The following SMARCC2 variants were observed in gnomAD, a reference collection of about 807,000 sequenced individuals.
SMARCC2 encodes the protein SWI/SNF complex subunit SMARCC2.
SMARCC2 carries 15 observed loss-of-function variants against 151.3 expected under a neutral mutation model. That is an observed-to-expected ratio of 0.10 (90% CI 0.07 to 0.15). The LOEUF is 0.15. SMARCC2 is among the 10% of genes least tolerant of loss of function. SMARCC2 has a pLI of 1.00. For missense variants in SMARCC2, 1,031 were observed against 1,599.7 expected (o/e 0.64, Z 6.06); for synonymous variants, 590 against 609.5 (o/e 0.97, Z 0.47).
At chr12:56,167,956 A>T in intron 26 of SMARCC2, 104 bp downstream of exon 26, 1 of 437,050 alleles carries the variant, frequency 2.3e-6, no homozygotes, top group East Asian at 3.4e-5. Context: ...ACTGAAACAC[A>T]CACACACACA....
chr12:56,181,212 G>A, intron 10 of SMARCC2, 111 bp from the exon 11 acceptor site: 2 of 1,078,248 alleles, frequency 1.9e-6, no homozygotes, highest in African/African-American at 1.6e-5. Context: ...GTAGAGCTGA[G>A]TACAAACAGA....
Position 56,164,555 on chromosome 12 carries a change from T to C in SMARCC2, c.3409A>G (p.Ile1137Val). ...IIPFGSLADS[I>V]SINLPAPPNL... is the part of the protein sequence containing the mutation. ...GGAGGAGCGGGGAGGTTAATACTGA[T>C]GGAGTCAGCTAGACTACCAAATGGG... The change falls in exon 28 of 29, where the codon ATC becomes GTC. Residue 1137 changes from isoleucine to valine, a missense_variant. Ile to Val is a conservative substitution (Grantham distance 29). This residue lies in a region of SMARCC2 where 310 missense variants were observed against 350.0 expected (regional missense o/e 0.89). Transcript: ENST00000550164. 6.2e-7 allele frequency: 1 copy of C among 1,613,940 alleles called. No individual in the cohort carries two copies. Among genetic ancestry groups the C allele is most frequent in the Non-Finnish European group, 8.5e-7 (1 of 1,179,956 alleles).
intron 2 of SMARCC2, 82 bp from the exon 3 acceptor site, chr12:56,186,322 A>G (rs933680087): frequency 3.5e-6 from 3 of 859,284 alleles, no homozygotes; most frequent in Non-Finnish European, 3.9e-6. Flanking sequence ...TAATCCTTTC[A>G]CAAAATCCCA....
At chr12:56,180,937 G>T in intron 11 of SMARCC2, 40 bp downstream of exon 11, 1 of 1,581,926 alleles carries the variant, frequency 6.3e-7, no homozygotes, top group African/African-American at 1.4e-5. Flanking sequence ...GTCAAGACGG[G>T]GAGTGGGGGT....
At chr12:56,176,801 C>A (rs192789722) in intron 15 of SMARCC2, among the ~76,000 whole-genome samples, 1 of 151,732 alleles carries the variant, frequency 6.6e-6, no homozygotes, top group African/African-American at 2.4e-5. Flanking sequence ...CCACCACGCC[C>A]GGCTAATTTT....
intron 17 of SMARCC2, among the ~76,000 whole-genome samples, chr12:56,173,433 T>C (rs1874335344): frequency 6.6e-6 from 1 of 152,138 alleles, no homozygotes; most frequent in Non-Finnish European, 1.5e-5. Context: ...AAGCCATTTT[T>C]CTCTATTGAC....
intron 2 of SMARCC2, 83 bp from the exon 3 acceptor site, chr12:56,186,323 C>T: frequency 1.2e-6 from 1 of 805,238 alleles, no homozygotes; most frequent in Non-Finnish European, 2.1e-6. Context: ...AATCCTTTCA[C>T]AAAATCCCAT....
intron 3 of SMARCC2, chr12:56,185,371 C>T (rs1361219084): frequency 5.7e-5 from 23 of 406,070 alleles, no homozygotes; most frequent in East Asian, 1.1e-4. Flanking sequence ...TAAGTAGAGA[C>T]GAGGTTTCAC....
rs1486412326 is a variant in SMARCC2, at chr12:56,171,469, C to G, written c.2186-37G>C. ...AGAAAGAATGAGGCTGGGAGCGGCA[C>G]AGTGGAACAGTTCTGGCAATCCCTG... On this transcript the variant is annotated intron_variant, in intron 21 of 28. Transcript: ENST00000550164. The surrounding 1 kb of genome is among the most constrained non-coding windows in gnomAD (Gnocchi z 4.2). 3 of 1,613,030 alleles carry G rather than the reference C, an allele frequency of 1.9e-6. No individual in the cohort carries two copies. Among genetic ancestry groups the G allele is most frequent in the South Asian group, 1.1e-5 (1 of 91,046 alleles).
At position 56,180,888 on chromosome 12, in the gene SMARCC2, A is replaced by G; in HGVS notation, c.1081+89T>C. ...AAAGATCCTGTAGACTGGGAGGTGG[A>G]CCTGAGAAATCAGCTCACTTGGGGT... On this transcript the variant is annotated intron_variant, in intron 11 of 28. Coordinates refer to ENST00000550164, the MANE Select transcript of SMARCC2 (RefSeq NM_001330288.2). The G allele has an allele frequency of 1.5e-6, 2 of 1,356,362 alleles. 1 individual carries two copies. The highest frequency in any genetic ancestry group is 2.0e-6 in the Non-Finnish European group (2 of 984,992). The allele number at this position is 1,356,362 out of a possible 1,614,324, so 84.0% of individuals were successfully genotyped here. A position where few individuals can be genotyped will look rare whatever the true frequency, so the allele number is the denominator to read the frequency against.
Position 56,174,698 on chromosome 12 carries a change from A to G in SMARCC2, c.1449T>C (p.Ser483=), listed in dbSNP as rs1020717170. Residue 483 remains serine, a synonymous_variant, in exon 16 of 29, where the codon TCT becomes TCC. Coordinates refer to ENST00000550164, the MANE Select transcript of SMARCC2 (RefSeq NM_001330288.2). Reference sequence around the variant, plus strand: ...CCGCTAGGTTTCGGCGGCAGGCGGTAGAGGTAAGATACTCTTGGGGGTTCA... The same window carrying G: ...CCGCTAGGTTTCGGCGGCAGGCGGTGGAGGTAAGATACTCTTGGGGGTTCA... ...YRLNPQEYLT[S]TACRRNLAGD... is the part of the protein sequence containing the mutation. 2.5e-6 allele frequency: 4 copies of G among 1,614,106 alleles called. No individual in the cohort carries two copies. The highest frequency in any genetic ancestry group is 3.4e-6 in the Non-Finnish European group (4 of 1,179,992).
chr12:56,170,081 C>T, intron 23 of SMARCC2, 63 bp downstream of exon 23: 1 of 1,512,312 alleles, frequency 6.6e-7, no homozygotes, highest in Non-Finnish European at 9.2e-7. Flanking sequence ...CTGAACAAGG[C>T]CAACTTCCCC....
chr12:56,177,387 G>A (rs1429990249), intron 15 of SMARCC2, among the ~76,000 whole-genome samples: 1 of 152,176 alleles, frequency 6.6e-6, no homozygotes, highest in Non-Finnish European at 1.5e-5. Flanking sequence ...TGGGACCACA[G>A]GTATGCCCCA....
intron 11 of SMARCC2, among the ~76,000 whole-genome samples, chr12:56,180,265 C>G (rs773476910): frequency 4.6e-5 from 7 of 151,666 alleles, no homozygotes; most frequent in Non-Finnish European, 1.0e-4. Context: ...CCCGCCACCA[C>G]GCTCAGCTAA....
At chr12:56,175,149 T>C (rs762278790) in intron 15 of SMARCC2, among the ~76,000 whole-genome samples, 1 of 152,126 alleles carries the variant, frequency 6.6e-6, no homozygotes, top group Non-Finnish European at 1.5e-5. Context: ...GTAGCTCTGA[T>C]TACAGGCATG....
chr12:56,172,939 G>C lies in SMARCC2; in HGVS notation c.1741C>G (p.Leu581Val), dbSNP rs1368904506. 6.2e-7 allele frequency: 1 copy of C among 1,613,220 alleles called. No individual in the cohort carries two copies. Among genetic ancestry groups the C allele is most frequent in the Non-Finnish European group, 8.5e-7 (1 of 1,179,984 alleles). Residue 581 changes from leucine to valine, a missense_variant and splice_region_variant, in exon 18 of 29, where the codon CTG (leucine) becomes GTG (valine). Physicochemically the swap from Leu to Val is conservative, Grantham distance 32. This residue lies in a region of SMARCC2 where 99 missense variants were observed against 148.3 expected (regional missense o/e 0.67). Coordinates refer to ENST00000550164, the MANE Select transcript of SMARCC2 (RefSeq NM_001330288.2). ...VPETAKGKPELQTSASQQMLN... is the reference protein window; with the variant it reads ...VPETAKGKPEVQTSASQQMLN... ...AGCAGGGTCTGCACCCCACCTACCA[G>C]CTCTGGCTTGCCCTTAGCCGTCTCT...
In SMARCC2 at chr12:56,181,235, C is replaced by G. The variant is rs1484911418; in HGVS notation, c.957-134G>C. On this transcript the variant is annotated intron_variant, in intron 10 of 28. Coordinates refer to ENST00000550164, the MANE Select transcript of SMARCC2 (RefSeq NM_001330288.2). ...GAGTACAAACAGAAACCAGTAATCACACAGTAATGGGAAGTGGCAAAGGCT... is the reference window on the plus strand; with the variant it reads ...GAGTACAAACAGAAACCAGTAATCAGACAGTAATGGGAAGTGGCAAAGGCT... 4 of 862,542 alleles carry G rather than the reference C, an allele frequency of 4.6e-6. No individual in the cohort carries two copies. In the South Asian group the frequency reaches 7.1e-5, roughly 15 times the overall value. 53.4% of individuals were successfully genotyped at this position (862,542 alleles called of 1,614,324 possible).
Position 56,189,444 on chromosome 12 carries a change from C to T in SMARCC2, c.18G>A (p.Lys6=), listed in dbSNP as rs1877960182. Residue 6 remains lysine, a synonymous_variant, in exon 1 of 29, where the codon AAG becomes AAA. Transcript: ENST00000550164. MAVRK[K]DGGPNVKYYE... ...AGTACTTCACGTTGGGGCCGCCGTC[C>T]TTCTTCCGCACCGCCATCTTCTCCG... 1.3e-6 allele frequency: 2 copies of T among 1,500,744 alleles called. No individual in the cohort carries two copies. Among genetic ancestry groups the T allele is most frequent in the Non-Finnish European group, 1.8e-6 (2 of 1,115,916 alleles). 93.0% of individuals were successfully genotyped at this position (1,500,744 alleles called of 1,614,324 possible).
intron 6 of SMARCC2, 114 bp from the exon 7 acceptor site, chr12:56,184,044 AG>A: frequency 9.8e-7 from 1 of 1,019,240 alleles, no homozygotes; most frequent in Non-Finnish European, 1.5e-6. Context: ...ACTTGGTAAT[AG>A]GAACTTAAGG....
Sources: gnomAD v4.1 joint callset for allele counts (sites outside exome capture counted in the v4.1 genomes callset) on GRCh38, gnomAD v4.1.1 for gene constraint, gnomAD v4.1.1 regional missense constraint, Gnocchi (gnomAD v3.1) non-coding constraint, MANE v1.5 for transcripts, NCBI Gene and HGNC (gene_info 2026-07-23, HGNC 2026-07-21) for gene names.